The following GMPS variants were observed in gnomAD, a reference collection of about 807,000 sequenced individuals.
GMPS encodes the protein guanosine monophosphate synthase.
A neutral mutation model predicts 77.9 loss-of-function variants in GMPS; 15 were observed. The observed-to-expected ratio is 0.19, with a 90% CI of 0.13 to 0.30. The LOEUF (loss-of-function observed/expected upper bound fraction) is 0.30, where lower values mean the gene tolerates loss of function less well. Ranked by LOEUF, GMPS falls within the 10% of genes least tolerant of loss-of-function variation. GMPS has a pLI of 1.00. For synonymous variants in GMPS, 224 were observed against 275.9 expected (o/e 0.81, Z 1.86); for missense variants, 590 against 838.8 (o/e 0.70, Z 3.66).
At chr3:155,937,524 TGTAA>T in intron 15 of GMPS, 63 bp from the exon 16 acceptor site, 1 of 727,468 alleles carries the variant, frequency 1.4e-6, no homozygotes, top group South Asian at 1.6e-5. Flanking sequence ...AAATTACAAA[TGTAA>T]GCCCTCTAGG....
At position 155,903,841 on chromosome 3, in the gene GMPS, A is replaced by T. The variant is rs1196697060; in HGVS notation, c.325-22A>T. The T allele has an allele frequency of 5.9e-6, 6 of 1,022,756 alleles. No homozygotes were observed. The Middle Eastern group carries it at 6.2e-4, about 106-fold the overall frequency. The allele number at this position is 1,022,756 out of a possible 1,614,324, so 63.4% of individuals were successfully genotyped here. A position where few individuals can be genotyped will look rare whatever the true frequency, so the allele number is the denominator to read the frequency against. On this transcript the variant is annotated intron_variant, in intron 3 of 15. Coordinates refer to ENST00000496455, the MANE Select transcript of GMPS (RefSeq NM_003875.3). ...TATTTTTCTTTTGATTTCTATTAAC[A>T]TTAATTTTTTTCTTTGAACAGATGA...
chr3:155,879,265 C>CTT (rs370727242), intron 1 of GMPS, among the ~76,000 whole-genome samples: 3,999 of 122,518 alleles, frequency 0.033, 171 homozygotes, highest in Admixed American at 0.11. Flanking sequence ...CTGCACTTGT[C>CTT]TTTTTTTTTT....
At chr3:155,906,611 T>G (rs976065343) in intron 5 of GMPS, among the ~76,000 whole-genome samples, 23 of 152,218 alleles carry the variant, frequency 1.5e-4, no homozygotes, top group African/African-American at 5.5e-4. Flanking sequence ...GAGTTACTTG[T>G]CTTTTATTCC....
At position 155,936,624 on chromosome 3, in the gene GMPS, T is replaced by G. The variant is rs951679431; in HGVS notation, c.1980+114T>G. On this transcript the variant is annotated intron_variant, in intron 15 of 15. Coordinates refer to ENST00000496455, the MANE Select transcript of GMPS (RefSeq NM_003875.3). The stretch of plus-strand genomic sequence containing the variant: ...ATTTCTTATGTTGGTTTTCTGTTCA[T>G]AAGATAGGCTTTTTTTTTTAAATTT... 4 of 635,036 alleles carry G rather than the reference T, an allele frequency of 6.3e-6. No homozygotes were observed. In the African/African-American group the frequency reaches 7.3e-5, roughly 12 times the overall value. 39.3% of individuals were successfully genotyped at this position (635,036 alleles called of 1,614,324 possible). A position where few individuals can be genotyped will look rare whatever the true frequency, so the allele number is the denominator to read the frequency against.
At chr3:155,899,105 C>T (rs887601750) in intron 3 of GMPS, among the ~76,000 whole-genome samples, 3 of 145,750 alleles carry the variant, frequency 2.1e-5, no homozygotes, top group Admixed American at 6.8e-5. Context: ...CAGTGGCTCA[C>T]GCCTGTGATC....
intron 13 of GMPS, among the ~76,000 whole-genome samples, chr3:155,933,147 G>T (rs1214414071): frequency 6.6e-6 from 1 of 152,020 alleles, no homozygotes; most frequent in African/African-American, 2.4e-5. Context: ...AGCTGAGATT[G>T]CACCACTGCA....
chr3:155,928,019 C>CTTTTTTTTTTTTTT (rs35962523), intron 12 of GMPS, among the ~76,000 whole-genome samples: 6 of 67,842 alleles, frequency 8.8e-5, no homozygotes, highest in African/African-American at 1.9e-4. Flanking sequence ...GCATTTTACA[C>CTTTTTTTTTTTTTT]TTTTTTTTTT....
In GMPS at chr3:155,934,949, A is replaced by T; in HGVS notation, c.1710A>T (p.Glu570Asp). Residue 570 changes from glutamate (E) to aspartate (D), a missense_variant, in exon 14 of 16, where the codon GAA becomes GAT. Glu to Asp is a conservative substitution (Grantham distance 45). Around this residue, in one of 6 missense-constraint regions of GMPS, gnomAD observed 73 missense variants for 170.5 expected, o/e 0.43. Coordinates refer to ENST00000496455, the MANE Select transcript of GMPS (RefSeq NM_003875.3). ...VVYIFGPPVK[E>D]PPTDVTPTFL... Reference sequence around the variant, plus strand: ...ATATATTTGGCCCACCAGTTAAAGAACCTCCTACAGATGTTACTCCCACTT... The same window carrying T: ...ATATATTTGGCCCACCAGTTAAAGATCCTCCTACAGATGTTACTCCCACTT... 6.3e-7 allele frequency: 1 copy of T among 1,591,752 alleles called. No homozygotes were observed.
intron 12 of GMPS, among the ~76,000 whole-genome samples, chr3:155,928,225 C>T (rs1433827088): frequency 6.6e-6 from 1 of 151,816 alleles, no homozygotes; most frequent in Non-Finnish European, 1.5e-5. Flanking sequence ...CGGGGTTTCA[C>T]CACGTTGCCC....
intron 6 of GMPS, 52 bp downstream of exon 6, chr3:155,910,937 A>G: frequency 7.6e-7 from 1 of 1,320,310 alleles, no homozygotes; most frequent in Non-Finnish European, 1.1e-6. Context: ...TAATATTGGA[A>G]TCCAGGAGTT....
At chr3:155,933,122 A>G (rs62287805) in intron 13 of GMPS, among the ~76,000 whole-genome samples, 8,290 of 152,170 alleles carry the variant, frequency 0.054, 313 homozygotes, top group East Asian at 0.18. Context: ...AACCCGGGAG[A>G]CAGAGCTTGC....
intron 5 of GMPS, among the ~76,000 whole-genome samples, chr3:155,909,266 A>T (rs981759324): frequency 1.3e-5 from 2 of 152,232 alleles, no homozygotes; most frequent in Admixed American, 6.5e-5. Context: ...TTTGCCAGAA[A>T]CACATTTGTC....
rs1174231343 is a variant in GMPS, at chr3:155,939,353, GAAA to G, written c.*1667_*1669del. 4.8e-6 allele frequency: 1 copy of G among 208,994 alleles called. No homozygotes were observed. Among genetic ancestry groups the G allele is most frequent in the African/African-American group, 2.3e-5 (1 of 43,960 alleles). The allele number at this position is 208,994 out of a possible 1,614,324, so 12.9% of individuals were successfully genotyped here. A position where few individuals can be genotyped will look rare whatever the true frequency, so the allele number is the denominator to read the frequency against. On this transcript the variant is annotated 3_prime_UTR_variant, in exon 16 of 16. Transcript: ENST00000496455. ...TGTCAGTACACGTTTATGTTTATAT[GAAA>G]AAAAATTTCTAGCCACAGTGTCTTA...
chr3:155,935,051 G>A lies in GMPS; in HGVS notation c.1807+5G>A. On this transcript the variant is annotated splice_donor_5th_base_variant and intron_variant, in intron 14 of 15. Coordinates refer to ENST00000496455, the MANE Select transcript of GMPS (RefSeq NM_003875.3). ...ATAACATTCTCAGGGAGTCTGGTAA[G>A]TTGCTCATGTTTTTGATTACTACCC... 1 of 1,606,110 alleles carries A rather than the reference G, an allele frequency of 6.2e-7. No homozygotes were observed. Among genetic ancestry groups the A allele is most frequent in the Non-Finnish European group, 8.5e-7 (1 of 1,172,766 alleles).
chr3:155,913,562 C>T (rs1755093657), intron 7 of GMPS, among the ~76,000 whole-genome samples: 1 of 149,772 alleles, frequency 6.7e-6, no homozygotes, highest in Non-Finnish European at 1.5e-5. Context: ...TGTTCTGTTG[C>T]CCAGGGCAGA....
At chr3:155,897,673 T>C (rs1475445722) in intron 2 of GMPS, among the ~76,000 whole-genome samples, 1 of 152,218 alleles carries the variant, frequency 6.6e-6, no homozygotes, top group Admixed American at 6.5e-5. Context: ...TATTATCTAT[T>C]TGGAAGTTTG....
intron 1 of GMPS, among the ~76,000 whole-genome samples, chr3:155,871,247 G>A (rs941940376): frequency 5.3e-5 from 8 of 152,026 alleles, no homozygotes; most frequent in African/African-American, 1.9e-4. Flanking sequence ...GGGCTTGTGT[G>A]TCTGCGTGTC....
chr3:155,879,076 T>C (rs1355838815), intron 1 of GMPS, among the ~76,000 whole-genome samples: 3 of 152,138 alleles, frequency 2.0e-5, no homozygotes, highest in African/African-American at 7.2e-5. Flanking sequence ...GGATAATGCC[T>C]GCTCACATTG....
chr3:155,895,076 A>T (rs1410897065), intron 2 of GMPS, among the ~76,000 whole-genome samples: 2 of 152,234 alleles, frequency 1.3e-5, no homozygotes, highest in East Asian at 3.8e-4. Context: ...CTAGAATAGG[A>T]TAGCTGAATA....
Sources: allele counts gnomAD v4.1 joint callset (sites outside exome capture counted in the v4.1 genomes callset), GRCh38; gene constraint gnomAD v4.1.1; regional missense constraint gnomAD v4.1.1; transcripts MANE v1.5; gene names NCBI Gene and HGNC (gene_info 2026-07-23, HGNC 2026-07-21).